The following KCNQ5 variants were observed in gnomAD, a reference collection of about 807,000 sequenced individuals.
KCNQ5 encodes potassium voltage-gated channel subfamily Q member 5, also known as potassium voltage-gated channel subfamily KQT member 5.
KCNQ5 carries 30 observed loss-of-function variants against 98.2 expected under a neutral mutation model. The observed-to-expected ratio is 0.31, with a 90% CI of 0.23 to 0.41. The LOEUF (loss-of-function observed/expected upper bound fraction) is 0.41. Ranked by LOEUF, KCNQ5 falls within the 10% of genes least tolerant of loss-of-function variation. The pLI is 1.00. For synonymous variants in KCNQ5, 458 were observed against 449.4 expected, an observed-to-expected ratio of 1.02 and a Z score of -0.24; for missense variants, 835 against 1,182.5, an observed-to-expected ratio of 0.71 and a Z score of 4.31.
intron 1 of KCNQ5, among the ~76,000 whole-genome samples, chr6:72,874,441 T>C (rs1346548314): frequency 6.6e-6 from 1 of 152,138 alleles, no homozygotes; most frequent in African/African-American, 2.4e-5. Flanking sequence ...TAAATATTTA[T>C]TGCAAATGGT....
chr6:73,124,553 T>C (rs1293651905), intron 9 of KCNQ5, 41 bp downstream of exon 9: 2 of 1,579,698 alleles, frequency 1.3e-6, no homozygotes, highest in Non-Finnish European at 1.7e-6. Flanking sequence ...TTTATAAATC[T>C]GATACCTACC....
At chr6:72,890,172 G>C (rs1030794329) in intron 1 of KCNQ5, among the ~76,000 whole-genome samples, 1 of 152,136 alleles carries the variant, frequency 6.6e-6, no homozygotes, top group Non-Finnish European at 1.5e-5. Context: ...TATACATTTT[G>C]ATGGGTTTGG....
intron 7 of KCNQ5, among the ~76,000 whole-genome samples, chr6:73,116,904 C>G (rs190183135): frequency 2.6e-5 from 4 of 152,254 alleles, no homozygotes; most frequent in Non-Finnish European, 4.4e-5. Flanking sequence ...ACCTTCTAAA[C>G]CATTTCCAGT....
chr6:72,682,055 A>G (rs1767736370), intron 1 of KCNQ5, among the ~76,000 whole-genome samples: 1 of 152,190 alleles, frequency 6.6e-6, no homozygotes, highest in Non-Finnish European at 1.5e-5. Context: ...TGTGGAGAAA[A>G]GAGCCTCAGT....
At chr6:72,647,625 C>A (rs1036409753) in intron 1 of KCNQ5, among the ~76,000 whole-genome samples, 1 of 152,152 alleles carries the variant, frequency 6.6e-6, no homozygotes, top group African/African-American at 2.4e-5. Context: ...TTCACAGACA[C>A]ATGCATGTAA....
chr6:72,987,187 T>C, intron 1 of KCNQ5: 3 of 676,484 alleles, frequency 4.4e-6, no homozygotes, highest in South Asian at 1.5e-5. Context: ...GAGCAGCCAA[T>C]CATTGAGGAG....
intron 1 of KCNQ5, among the ~76,000 whole-genome samples, chr6:72,786,773 G>A (rs1773768215): frequency 6.6e-6 from 1 of 152,088 alleles, no homozygotes; most frequent in Non-Finnish European, 1.5e-5. Context: ...TTGGGAGGCA[G>A]AGGCGGGCGG....
At chr6:72,974,641 A>G (rs986860257) in intron 1 of KCNQ5, among the ~76,000 whole-genome samples, 1 of 152,218 alleles carries the variant, frequency 6.6e-6, no homozygotes, top group Non-Finnish European at 1.5e-5. Context: ...CTGTCAGCTT[A>G]CTAATTAGAA....
chr6:72,633,143 T>C (rs2098921993), intron 1 of KCNQ5, among the ~76,000 whole-genome samples: 1 of 152,190 alleles, frequency 6.6e-6, no homozygotes, highest in Non-Finnish European at 1.5e-5. Context: ...TGAGGTGGTA[T>C]CTCATTGTGG....
intron 3 of KCNQ5, chr6:73,055,944 T>C (rs1772469115): frequency 2.3e-6 from 1 of 432,588 alleles, no homozygotes; most frequent in South Asian, 2.1e-5. Flanking sequence ...TCTATAGACA[T>C]CTTGAGTTGC....
chr6:73,168,119 C>T (rs1208914703), intron 10 of KCNQ5, among the ~76,000 whole-genome samples: 1 of 152,136 alleles, frequency 6.6e-6, no homozygotes, highest in Non-Finnish European at 1.5e-5. Flanking sequence ...ATCTCATCAT[C>T]TCTTCCCGCA....
chr6:73,001,518 A>G (rs767889741), intron 1 of KCNQ5, among the ~76,000 whole-genome samples: 21 of 152,206 alleles, frequency 1.4e-4, no homozygotes, highest in Non-Finnish European at 2.8e-4. Flanking sequence ...TAAAACTGCC[A>G]TTGGGATGCT....
At chr6:73,192,784 AAAAT>A in intron 13 of KCNQ5, 93 bp downstream of exon 13, 1 of 1,081,128 alleles carries the variant, frequency 9.2e-7, no homozygotes, top group East Asian at 2.9e-5. Flanking sequence ...TGATTATTTT[AAAAT>A]AAATAAAATC....
intron 8 of KCNQ5, 106 bp downstream of exon 8, chr6:73,120,683 A>T (rs1438693522): frequency 1.6e-6 from 1 of 630,168 alleles, no homozygotes; most frequent in Non-Finnish European, 2.7e-6. Context: ...GGCTTCTCTT[A>T]TTCTCTGTTG....
intron 1 of KCNQ5, among the ~76,000 whole-genome samples, chr6:72,791,100 TC>T (rs1162799969): frequency 2.6e-5 from 4 of 152,202 alleles, no homozygotes; most frequent in Non-Finnish European, 5.9e-5. Flanking sequence ...GAGAATGGCT[TC>T]TTCCGTAGAG....
intron 3 of KCNQ5, among the ~76,000 whole-genome samples, chr6:73,066,446 A>G (rs1202910655): frequency 6.6e-6 from 1 of 152,178 alleles, no homozygotes; most frequent in Non-Finnish European, 1.5e-5. Flanking sequence ...TCTTTTATTC[A>G]CTGCTCTATA....
intron 1 of KCNQ5, among the ~76,000 whole-genome samples, chr6:72,800,127 A>T (rs1774563025): frequency 6.6e-6 from 1 of 152,140 alleles, no homozygotes; most frequent in Non-Finnish European, 1.5e-5. Context: ...CCTATATCAG[A>T]CTGTCTGAGT....
At chr6:72,699,933 A>G (rs1768707910) in intron 1 of KCNQ5, among the ~76,000 whole-genome samples, 2 of 152,162 alleles carry the variant, frequency 1.3e-5, no homozygotes. Context: ...CTTTTCACAC[A>G]TAATTAATTG....
chr6:72,789,315 C>T (rs778620866), intron 1 of KCNQ5, among the ~76,000 whole-genome samples: 27 of 152,150 alleles, frequency 1.8e-4, no homozygotes, highest in Admixed American at 3.9e-4. Context: ...CGCCACCACA[C>T]CTGGCTAATC....
Sources: gnomAD v4.1 joint callset for allele counts (sites outside exome capture counted in the v4.1 genomes callset) on GRCh38, gnomAD v4.1.1 for gene constraint, MANE v1.5 for transcripts, NCBI Gene and HGNC (gene_info 2026-07-23, HGNC 2026-07-21) for gene names.